PRKN: variants seen among roughly 807,000 people sequenced by gnomAD.
PRKN encodes E3 ubiquitin-protein ligase parkin.
PRKN carries 56 observed loss-of-function variants against 59.5 expected under a neutral mutation model. That is an observed-to-expected ratio of 0.94 (90% CI 0.76 to 1.18). The LOEUF (loss-of-function observed/expected upper bound fraction) is 1.18. Among genes scored for constraint, PRKN ranks in the 50% most tolerant of loss-of-function variants. The pLI is 0.00. For synonymous variants in PRKN, 250 were observed against 222.1 expected (o/e 1.13, Z -1.12); for missense variants, 657 against 596.4 (o/e 1.10, Z -1.06).
intron 4 of PRKN, among the ~76,000 whole-genome samples, chr6:162,173,070 C>T (rs1310187173): frequency 1.3e-5 from 2 of 152,106 alleles, no homozygotes; most frequent in African/African-American, 2.4e-5. Context: ...GAGGTGAATA[C>T]CTCCCCATTT....
intron 2 of PRKN, among the ~76,000 whole-genome samples, chr6:162,347,478 C>T (rs1262487540): frequency 6.6e-6 from 1 of 151,992 alleles, no homozygotes; most frequent in East Asian, 1.9e-4. Flanking sequence ...AACTTCATTT[C>T]ATTGTATTCA....
intron 7 of PRKN, among the ~76,000 whole-genome samples, chr6:161,756,725 A>G (rs1389329655): frequency 6.6e-6 from 1 of 152,134 alleles, no homozygotes; most frequent in African/African-American, 2.4e-5. Flanking sequence ...GGCAAGTCCC[A>G]GCAACCTCAC....
At chr6:162,264,130 A>G (rs1001210829) in intron 2 of PRKN, among the ~76,000 whole-genome samples, 1 of 151,876 alleles carries the variant, frequency 6.6e-6, no homozygotes, top group African/African-American at 2.4e-5. Context: ...AAAAAAAATT[A>G]GCCGGCTTTG....
chr6:161,954,979 T>C (rs1009691087), intron 6 of PRKN, among the ~76,000 whole-genome samples: 4 of 152,096 alleles, frequency 2.6e-5, no homozygotes, highest in Admixed American at 6.6e-5. Flanking sequence ...TGCACAATCT[T>C]AAATTTGGAA....
intron 1 of PRKN, among the ~76,000 whole-genome samples, chr6:162,501,519 T>C (rs1039293698): frequency 6.6e-6 from 1 of 151,168 alleles, no homozygotes; most frequent in Admixed American, 6.6e-5. Context: ...GGTTAATTTT[T>C]TTTTTTTTTT....
intron 9 of PRKN, among the ~76,000 whole-genome samples, chr6:161,537,086 A>G (rs1006449800): frequency 3.3e-5 from 5 of 152,054 alleles, no homozygotes; most frequent in African/African-American, 1.2e-4. Context: ...AAGCCCAGCC[A>G]TGTCTTCACA....
At chr6:161,749,227 G>A (rs1165519172) in intron 7 of PRKN, among the ~76,000 whole-genome samples, 2 of 152,180 alleles carry the variant, frequency 1.3e-5, no homozygotes, top group African/African-American at 2.4e-5. Flanking sequence ...TGACAAGACT[G>A]TAACATCTTG....
chr6:161,532,166 C>CTCTA (rs1355724171), intron 9 of PRKN, among the ~76,000 whole-genome samples: 442 of 115,376 alleles, frequency 3.8e-3, no homozygotes, highest in Middle Eastern at 5.1e-3. Context: ...CTCTCTCTCT[C>CTCTA]TATATATATA....
rs540146657 is a variant in PRKN, at chr6:161,428,701, A to G, written c.1084-41824T>C. ...CACACATATAATAAAGCTCACAACC[A>G]AAAAAAGCACATTCACATTTTTTTT... On this transcript the variant is annotated intron_variant, in intron 9 of 11. Transcript: ENST00000366898. This position sits in a 1 kb window ranked among gnomAD's most constrained non-coding sequence, Gnocchi z 4.0. Among the ~76,000 whole-genome samples the G allele has an allele frequency of 1.3e-5, 2 of 152,310 alleles. No individual in the cohort carries two copies. Among genetic ancestry groups the G allele is most frequent in the Middle Eastern group, 6.8e-3 (2 of 294 alleles).
intron 7 of PRKN, among the ~76,000 whole-genome samples, chr6:161,683,515 C>T (rs1220265275): frequency 6.6e-6 from 1 of 152,200 alleles, no homozygotes; most frequent in Non-Finnish European, 1.5e-5. Context: ...CTTTCCTCTC[C>T]CCTCAGCTCA....
At chr6:161,743,986 C>T (rs568559207) in intron 7 of PRKN, among the ~76,000 whole-genome samples, 101 of 152,080 alleles carry the variant, frequency 6.6e-4, no homozygotes, top group African/African-American at 2.3e-3. Context: ...CTCGTGACTT[C>T]GGGGGCCTCT....
intron 6 of PRKN, among the ~76,000 whole-genome samples, chr6:161,825,899 C>T (rs942157591): frequency 6.6e-6 from 1 of 152,178 alleles, no homozygotes; most frequent in Non-Finnish European, 1.5e-5. Flanking sequence ...CCAACTGTGG[C>T]TCTTTAGGGC....
intron 7 of PRKN, among the ~76,000 whole-genome samples, chr6:161,679,684 CT>C (rs1554292014): frequency 3.7e-4 from 31 of 84,866 alleles, no homozygotes; most frequent in East Asian, 2.3e-3. Context: ...ACCCCCCCCC[CT>C]TTTTTTTTTT....
chr6:161,760,039 C>T (rs1342720024), intron 7 of PRKN, among the ~76,000 whole-genome samples: 1 of 145,686 alleles, frequency 6.9e-6, no homozygotes, highest in Non-Finnish European at 1.5e-5. Flanking sequence ...TCTTTCTTGT[C>T]TCTAAATATA....
intron 6 of PRKN, among the ~76,000 whole-genome samples, chr6:161,941,244 T>C (rs1779555758): frequency 6.6e-6 from 1 of 152,102 alleles, no homozygotes; most frequent in Admixed American, 6.5e-5. Context: ...CCTGAGAGCC[T>C]AGCAGGCAGA....
intron 2 of PRKN, among the ~76,000 whole-genome samples, chr6:162,340,988 A>G (rs1387717737): frequency 6.6e-6 from 1 of 152,190 alleles, no homozygotes; most frequent in Non-Finnish European, 1.5e-5. Context: ...GGCAACCTAA[A>G]GAATGGGAGA....
intron 1 of PRKN, among the ~76,000 whole-genome samples, chr6:162,530,117 C>A (rs959194354): frequency 7.0e-6 from 1 of 142,792 alleles, no homozygotes. Flanking sequence ...GCAACAAGAG[C>A]GAAACTAACT....
intron 6 of PRKN, among the ~76,000 whole-genome samples, chr6:161,882,297 T>G (rs960923309): frequency 6.6e-6 from 1 of 152,142 alleles, no homozygotes; most frequent in Admixed American, 6.5e-5. Context: ...TCGTTTCTGA[T>G]GTCAAAGCAG....
intron 7 of PRKN, among the ~76,000 whole-genome samples, chr6:161,772,900 T>A (rs748475522): frequency 6.6e-6 from 1 of 152,230 alleles, no homozygotes; most frequent in South Asian, 2.1e-4. Flanking sequence ...ACTAGGAGTA[T>A]TACTGGAATT....
Sources: allele counts gnomAD v4.1 joint callset (sites outside exome capture counted in the v4.1 genomes callset), GRCh38; gene constraint gnomAD v4.1.1; non-coding constraint Gnocchi (gnomAD v3.1); transcripts MANE v1.5; gene names NCBI Gene and HGNC (gene_info 2026-07-23, HGNC 2026-07-21).